Variants in SGSH observed in about 807,000 individuals in gnomAD.
The protein encoded by SGSH is heparan sulfate sulfatase.
SGSH carries 48 observed loss-of-function variants against 51.0 expected under a neutral mutation model. The ratio of observed to expected loss-of-function variants is 0.94; its 90% CI spans 0.75 to 1.20. SGSH has a LOEUF of 1.20. Among genes scored for constraint, SGSH ranks in the 50% most tolerant of loss-of-function variants. The pLI is 0.00. For synonymous variants in SGSH, 321 were observed against 313.4 expected (o/e 1.02, Z -0.26); for missense variants, 662 against 717.8 (o/e 0.92, Z 0.89).
chr17:80,215,382 G>A (rs1012916229), intron 2 of SGSH, among the ~76,000 whole-genome samples: 2 of 152,258 alleles, frequency 1.3e-5, no homozygotes, highest in East Asian at 1.9e-4. Flanking sequence ...GCACCGACAC[G>A]AGGGTGGCCT....
At position 80,213,874 on chromosome 17, in the gene SGSH, G is replaced by A. The variant is rs34520362; in HGVS notation, c.675C>T (p.Phe225=). The A allele has an allele frequency of 1.0e-3, 1,682 of 1,607,950 alleles. 13 individuals carry two copies. The African/African-American group carries it at 0.019, about 18-fold the overall frequency. The change falls in exon 6 of 8, where the codon TTC becomes TTT. Residue 225 remains phenylalanine, a synonymous_variant. Transcript: ENST00000326317. This position sits in a 1 kb window ranked among gnomAD's most constrained non-coding sequence, Gnocchi z 4.6. The part of the protein sequence containing the change: ...YDPLDVLVPY[F]VPNTPAARAD... The stretch of plus-strand genomic sequence containing the variant: ...CTCGGGCTGCCGGGGTGTTGGGGAC[G>A]AAGTAAGGCACCTGGGGCAGGCGGT...
At position 80,220,234 on chromosome 17, in the gene SGSH, A is replaced by C; in HGVS notation, c.80T>G (p.Leu27Arg). Residue 27 changes from leucine to arginine, a missense_variant, in exon 1 of 8, where the codon CTG becomes CGG. Transcript: ENST00000326317. ...GCGGCGCCGGCACTCACCGAGGAGC[A>C]GCAGTGCGTTCCGGGGACGCGCCCG... is the stretch of plus-strand genomic sequence containing the variant. Reference protein sequence around the residue: ...LCRARPRNALLLLADDGGFES... With the variant: ...LCRARPRNALRLLADDGGFES... The C allele has an allele frequency of 6.6e-7, 1 of 1,521,990 alleles. No individual in the cohort carries two copies. Among genetic ancestry groups the C allele is most frequent in the Non-Finnish European group, 8.8e-7 (1 of 1,141,206 alleles). 94.3% of individuals were successfully genotyped at this position (1,521,990 alleles called of 1,614,324 possible).
chr17:80,217,015 C>G lies in SGSH; in HGVS notation c.249+17G>C. The G allele has an allele frequency of 6.5e-7, 1 of 1,540,998 alleles. No individual in the cohort carries two copies. Among genetic ancestry groups the G allele is most frequent in the Non-Finnish European group, 8.7e-7 (1 of 1,144,486 alleles). On this transcript the variant is annotated intron_variant, in intron 2 of 7. Coordinates refer to ENST00000326317, the MANE Select transcript of SGSH (RefSeq NM_000199.5). ...CTACTCCCTGCCCACCCCCTCCTCC[C>G]GCCCCTTGCACCTCACCTGGGGCAG...
downstream of SGSH, chr17:80,205,607 C>T (rs566820182): frequency 1.3e-6 from 2 of 1,568,246 alleles, no homozygotes; most frequent in African/African-American, 1.3e-5. Flanking sequence ...TGTCCGGGGG[C>T]CGCTGCTGGG....
chr17:80,206,185 G>C (rs2144586583), downstream of SGSH, among the ~76,000 whole-genome samples: 1 of 152,360 alleles, frequency 6.6e-6, no homozygotes, highest in Admixed American at 6.5e-5. Context: ...GGCAAACTCA[G>C]CTGGGCCTGG....
intron 2 of SGSH, among the ~76,000 whole-genome samples, chr17:80,215,435 A>G (rs1177470587): frequency 6.6e-6 from 1 of 152,252 alleles, no homozygotes; most frequent in Non-Finnish European, 1.5e-5. Context: ...CTCTTCTGTT[A>G]TGATCACACG....
At chr17:80,215,798 A>G (rs1031980506) in intron 2 of SGSH, among the ~76,000 whole-genome samples, 3 of 151,968 alleles carry the variant, frequency 2.0e-5, no homozygotes, top group African/African-American at 4.8e-5. Flanking sequence ...CAGCCTGGGC[A>G]ACAGAGTGAG....
Position 80,220,281 on chromosome 17 carries a change from C to G in SGSH, c.33G>C (p.Leu11=). The change falls in exon 1 of 8, where the codon CTG becomes CTC. Residue 11 remains leucine, a synonymous_variant. Coordinates refer to ENST00000326317, the MANE Select transcript of SGSH (RefSeq NM_000199.5). ...CCCGGCAGAGCCCCAGGACTAGCAG[C>G]AGCGCGCAGCAGGCGGGCACGGGGC... MSCPVPACCA[L]LLVLGLCRAR... The G allele has an allele frequency of 6.6e-7, 1 of 1,519,618 alleles. No homozygotes were observed. The highest frequency in any genetic ancestry group is 8.8e-7 in the Non-Finnish European group (1 of 1,140,502). The allele number at this position is 1,519,618 out of a possible 1,614,324, so 94.1% of individuals were successfully genotyped here.
chr17:80,220,006 G>A, intron 1 of SGSH: 1 of 477,972 alleles, frequency 2.1e-6, no homozygotes. Flanking sequence ...TAGGGGTGCT[G>A]GATGCTGGGG....
rs1316964934 is a variant in SGSH, at chr17:80,212,028, T to G, written c.949+43A>C. ...TGACAGGTCATGGCCCCGTCCCAGA[T>G]CCACTCCCACACCTTTCCTGACGGA... On this transcript the variant is annotated intron_variant, in intron 7 of 7. Coordinates refer to ENST00000326317, the MANE Select transcript of SGSH (RefSeq NM_000199.5). The surrounding 1 kb of genome is among the most constrained non-coding windows in gnomAD (Gnocchi z 5.9). 6 of 1,547,772 alleles carry G rather than the reference T, an allele frequency of 3.9e-6. No homozygotes were observed. The highest frequency in any genetic ancestry group is 5.4e-6 in the Non-Finnish European group (6 of 1,120,940).
chr17:80,208,105 T>C (rs1193296669), downstream of SGSH: 2 of 1,347,958 alleles, frequency 1.5e-6, no homozygotes, highest in Admixed American at 2.2e-5. Flanking sequence ...TGCTCTCCCC[T>C]GAGCCCGCCC....
In SGSH at chr17:80,209,844, C is replaced by T. The variant is rs920269416; in HGVS notation, c.*608G>A. 1.0e-6 allele frequency: 1 copy of T among 988,440 alleles called. No individual in the cohort carries two copies. The highest frequency in any genetic ancestry group is 1.2e-6 in the Non-Finnish European group (1 of 831,880). 61.2% of individuals were successfully genotyped at this position (988,440 alleles called of 1,614,324 possible). A position where few individuals can be genotyped will look rare whatever the true frequency, so the allele number is the denominator to read the frequency against. On this transcript the variant is annotated 3_prime_UTR_variant, in exon 8 of 8. Coordinates refer to ENST00000326317, the MANE Select transcript of SGSH (RefSeq NM_000199.5). ...CTGCTGCCAATCAGCTGAAACCTGC[C>T]TGGGGAACAGGGACTTGACCATGGG...
At chr17:80,208,198 G>A (rs1427536300), downstream of SGSH, 1 of 1,554,132 alleles carries the variant, frequency 6.4e-7, no homozygotes, top group Non-Finnish European at 8.7e-7. Flanking sequence ...CGAGGCAGGA[G>A]GAGGGAGACC....
In SGSH at chr17:80,212,381, G is replaced by A. The variant is rs1237493198; in HGVS notation, c.746-107C>T. On this transcript the variant is annotated intron_variant, in intron 6 of 7. Coordinates refer to ENST00000326317, the MANE Select transcript of SGSH (RefSeq NM_000199.5). The surrounding 1 kb of genome is among the most constrained non-coding windows in gnomAD (Gnocchi z 5.9). ...CTGCATCCGGCCGCTGGGCTCCAGC[G>A]CTTTCCGGATTCGAAAGCACCCTGT... The A allele has an allele frequency of 2.2e-5, 22 of 1,014,356 alleles. No individual in the cohort carries two copies. Among genetic ancestry groups the A allele is most frequent in the East Asian group, 7.8e-5 (3 of 38,594 alleles). 62.8% of individuals were successfully genotyped at this position (1,014,356 alleles called of 1,614,324 possible).
intron 1 of SGSH, among the ~76,000 whole-genome samples, chr17:80,219,437 A>T (rs1251402117): frequency 1.3e-5 from 2 of 152,242 alleles, no homozygotes; most frequent in African/African-American, 4.8e-5. Context: ...GGACTCTGAC[A>T]GCCTCCTGTA....
Position 80,217,190 on chromosome 17 carries a change from C to T in SGSH, c.91G>A (p.Asp31Asn). 2 of 1,598,376 alleles carry T rather than the reference C, an allele frequency of 1.3e-6. No homozygotes were observed. Among genetic ancestry groups the T allele is most frequent in the Admixed American group, 1.7e-5 (1 of 58,084 alleles). ...RPRNALLLLA[D>N]DGGFESGAYN... ...GCGCCACTCTCAAAGCCTCCGTCAT[C>T]CGCTGCGTGAGGTGGGAGACAGAGA... The change falls in exon 2 of 8, where the codon GAT (aspartate) becomes AAT (asparagine). Residue 31 changes from aspartate (D) to asparagine (N), a missense_variant and splice_region_variant. Coordinates refer to ENST00000326317, the MANE Select transcript of SGSH (RefSeq NM_000199.5).
chr17:80,205,364 G>A, downstream of SGSH: 3 of 1,157,990 alleles, frequency 2.6e-6, no homozygotes, highest in Non-Finnish European at 3.7e-6. Context: ...GGATGGAGGT[G>A]CAGGGCACAG....
At chr17:80,204,267 G>C (rs1288961418), downstream of SGSH, 1 of 1,600,728 alleles carries the variant, frequency 6.2e-7, no homozygotes, top group South Asian at 1.1e-5. Context: ...CGCATCGTCA[G>C]TATGGACAAA....
the SGSH span, chr17:80,201,596 T>C: frequency 3.9e-6 from 3 of 773,396 alleles, no homozygotes; most frequent in African/African-American, 5.1e-5. The surrounding 1 kb of genome is among the most constrained non-coding windows in gnomAD (Gnocchi z 5.0). Flanking sequence ...GGCTCTGGTG[T>C]GTGGCTTTGT....
Sources: gnomAD v4.1 joint callset for allele counts (sites outside exome capture counted in the v4.1 genomes callset) on GRCh38, gnomAD v4.1.1 for gene constraint, Gnocchi (gnomAD v3.1) non-coding constraint, MANE v1.5 for transcripts, NCBI Gene and HGNC (gene_info 2026-07-23, HGNC 2026-07-21) for gene names.